The following GRM7 variants were observed in gnomAD, a reference collection of about 807,000 sequenced individuals.
GRM7 encodes the protein metabotropic glutamate receptor 7.
Under a neutral mutation model 84.5 loss-of-function variants are expected in GRM7, and 35 were observed. The ratio of observed to expected loss-of-function variants is 0.41; its 90% CI spans 0.32 to 0.55. The LOEUF (loss-of-function observed/expected upper bound fraction) is 0.55, where lower values mean the gene tolerates loss of function less well. Ranked by LOEUF, GRM7 falls within the 20% of genes least tolerant of loss-of-function variation. The probability of loss-of-function intolerance (pLI) is 0.19; values close to 1 mark genes in which losing one functional copy is unlikely to be tolerated. For synonymous variants in GRM7, 487 were observed against 455.1 expected (o/e 1.07, Z -0.89); for missense variants, 1,003 against 1,194.6 (o/e 0.84, Z 2.36).
At chr3:7,684,387 T>C (rs180682540) in intron 9 of GRM7, among the ~76,000 whole-genome samples, 148 of 152,334 alleles carry the variant, frequency 9.7e-4, no homozygotes, top group African/African-American at 3.3e-3. Flanking sequence ...CACTATGAGC[T>C]ACAAAGTAAA....
At position 7,311,597 on chromosome 3, in the gene GRM7, A is replaced by ATT. The variant is rs35146664; in HGVS notation, c.1033+4958_1033+4959dup. On this transcript the variant is annotated intron_variant, in intron 4 of 9. Transcript: ENST00000357716. ...TCTTATGGCACTTGTGTTTCAATAC[A>ATT]TTTTTTTTTTTTTTGGGATGGAGTC... is the stretch of plus-strand genomic sequence containing the variant. 2.1e-3 allele frequency among the ~76,000 whole-genome samples: 302 copies of ATT among 144,408 alleles called. 3 individuals carry two copies. Among genetic ancestry groups the ATT allele is most frequent in the South Asian group, 3.8e-3 (17 of 4,528 alleles). 94.7% of individuals were successfully genotyped at this position (144,408 alleles called of 152,430 possible). A position where few individuals can be genotyped will look rare whatever the true frequency, so the allele number is the denominator to read the frequency against.
intron 1 of GRM7, among the ~76,000 whole-genome samples, chr3:6,914,616 TG>T (rs1374709648): frequency 6.6e-6 from 1 of 152,138 alleles, no homozygotes; most frequent in Non-Finnish European, 1.5e-5. Context: ...TTGGTCAGGC[TG>T]GTCTCAAACT....
At chr3:7,731,873 T>G (rs1702344931) in intron 9 of GRM7, among the ~76,000 whole-genome samples, 1 of 152,046 alleles carries the variant, frequency 6.6e-6, no homozygotes, top group Non-Finnish European at 1.5e-5. Context: ...GAAGACAGCT[T>G]TGGCCCACTA....
intron 1 of GRM7, among the ~76,000 whole-genome samples, chr3:7,099,310 A>G (rs1317641976): frequency 6.1e-5 from 9 of 148,054 alleles, no homozygotes; most frequent in Non-Finnish European, 4.5e-5. Flanking sequence ...GTACACATGT[A>G]TTATACATGT....
At chr3:6,874,492 C>T (rs866453741) in intron 1 of GRM7, among the ~76,000 whole-genome samples, 2 of 152,272 alleles carry the variant, frequency 1.3e-5, no homozygotes, top group Middle Eastern at 3.4e-3. Flanking sequence ...TTTCTGTGTG[C>T]CAGATACCAA....
chr3:7,246,350 T>G (rs749869591), intron 2 of GRM7, among the ~76,000 whole-genome samples: 3 of 152,160 alleles, frequency 2.0e-5, no homozygotes, highest in Non-Finnish European at 4.4e-5. Context: ...AGTGAATGAA[T>G]TCTGCACATT....
intron 9 of GRM7, among the ~76,000 whole-genome samples, chr3:7,707,930 A>ATTTTTTTTTTTTTTT (rs34344224): frequency 4.0e-5 from 5 of 123,690 alleles, no homozygotes; most frequent in South Asian, 2.6e-4. Context: ...GAAGCTTTCA[A>ATTTTTTTTTTTTTTT]TTTTTTTTTT....
chr3:6,924,990 C>G (rs1447972354), intron 1 of GRM7, among the ~76,000 whole-genome samples: 1 of 152,096 alleles, frequency 6.6e-6, no homozygotes, highest in African/African-American at 2.4e-5. Context: ...CATACGAAGT[C>G]TATACCTGAG....
chr3:7,110,675 A>G (rs1198110442), intron 1 of GRM7, among the ~76,000 whole-genome samples: 1 of 151,778 alleles, frequency 6.6e-6, no homozygotes, highest in Non-Finnish European at 1.5e-5. Context: ...GTCCTTTGGC[A>G]TTCATTTCCA....
chr3:7,434,214 T>C (rs1323853938), intron 5 of GRM7, among the ~76,000 whole-genome samples: 1 of 152,172 alleles, frequency 6.6e-6, no homozygotes, highest in Non-Finnish European at 1.5e-5. Context: ...AGTAGCTCAT[T>C]TGTAGATTTC....
rs991811789 is a variant in GRM7 at position 7,139,203 on chromosome 3, G to T, written c.520-7249G>T. On this transcript the variant is annotated intron_variant, in intron 1 of 9. Coordinates refer to ENST00000357716, the MANE Select transcript of GRM7 (RefSeq NM_000844.4). ...TTTTCTTAATTGGTAAAGAGAGAAAGAAAGAACACCACAGAGATTTGGACG... is the reference window on the plus strand; with the variant it reads ...TTTTCTTAATTGGTAAAGAGAGAAATAAAGAACACCACAGAGATTTGGACG... 6.0e-5 allele frequency among the ~76,000 whole-genome samples: 9 copies of T among 150,684 alleles called. No homozygotes were observed. In the South Asian group the frequency reaches 1.9e-3, roughly 31 times the overall value.
chr3:7,586,846 T>C (rs1205619411), intron 8 of GRM7, among the ~76,000 whole-genome samples: 2 of 152,182 alleles, frequency 1.3e-5, no homozygotes, highest in African/African-American at 2.4e-5. Context: ...TTGAGCAGCA[T>C]GGATAAATCT....
At chr3:7,459,601 A>ACCCCTTTT (rs1468747095) in intron 6 of GRM7, among the ~76,000 whole-genome samples, 2 of 151,834 alleles carry the variant, frequency 1.3e-5, no homozygotes, top group East Asian at 3.9e-4. Context: ...GAAAGGGGAA[A>ACCCCTTTT]CCCCTTTTAA....
At chr3:7,566,617 G>C (rs945870097) in intron 7 of GRM7, among the ~76,000 whole-genome samples, 2 of 151,498 alleles carry the variant, frequency 1.3e-5, no homozygotes, top group African/African-American at 4.9e-5. Flanking sequence ...CTTTTCTACT[G>C]GCAGAACTAT....
At chr3:6,910,998 A>G (rs529545682) in intron 1 of GRM7, among the ~76,000 whole-genome samples, 1 of 152,124 alleles carries the variant, frequency 6.6e-6, no homozygotes, top group Non-Finnish European at 1.5e-5. Flanking sequence ...GCAACCTACC[A>G]CTATTTTTTT....
chr3:7,740,220 A>C (rs1575688319), intron 9 of GRM7, 137 bp from the exon 10 acceptor site: 2 of 587,294 alleles, frequency 3.4e-6, no homozygotes, highest in African/African-American at 3.9e-5. Context: ...AGAGGAATCC[A>C]AAGTTGTCTG....
chr3:7,007,872 C>G (rs569533149), intron 1 of GRM7, among the ~76,000 whole-genome samples: 1 of 152,200 alleles, frequency 6.6e-6, no homozygotes, highest in East Asian at 1.9e-4. Flanking sequence ...GGAAATAGGC[C>G]ATTTACCCAT....
intron 1 of GRM7, among the ~76,000 whole-genome samples, chr3:7,018,690 C>T (rs1695663590): frequency 6.6e-6 from 1 of 152,222 alleles, no homozygotes; most frequent in South Asian, 2.1e-4. Context: ...ATACTTGCTG[C>T]TGCAGCAGTG....
chr3:7,364,298 A>G (rs535574470), intron 4 of GRM7, among the ~76,000 whole-genome samples: 30 of 151,842 alleles, frequency 2.0e-4, no homozygotes, highest in African/African-American at 7.2e-4. Context: ...TTTGTCTTAA[A>G]TTTGATTTTG....
Sources: allele counts gnomAD v4.1 joint callset (sites outside exome capture counted in the v4.1 genomes callset), GRCh38; gene constraint gnomAD v4.1.1; transcripts MANE v1.5; gene names NCBI Gene and HGNC (gene_info 2026-07-23, HGNC 2026-07-21).